PPM1H: variants seen among roughly 807,000 people sequenced by gnomAD.
The protein encoded by PPM1H is protein phosphatase 1H.
A neutral mutation model predicts 54.9 loss-of-function variants in PPM1H; 27 were observed. That is an observed-to-expected ratio of 0.49 (90% CI 0.36 to 0.68). The LOEUF (loss-of-function observed/expected upper bound fraction) is 0.68. Ranked by LOEUF, PPM1H falls within the 30% of genes least tolerant of loss-of-function variation. PPM1H has a pLI of 0.00. For synonymous variants in PPM1H, 305 were observed against 270.8 expected, an observed-to-expected ratio of 1.13 and a Z score of -1.24; for missense variants, 596 against 667.8, an observed-to-expected ratio of 0.89 and a Z score of 1.19.
At chr12:62,732,774 G>A (rs886791092) in intron 5 of PPM1H, among the ~76,000 whole-genome samples, 45 of 151,962 alleles carry the variant, frequency 3.0e-4, no homozygotes, top group African/African-American at 9.6e-4. Flanking sequence ...GGGTTTCACC[G>A]TGTTAGCCAG....
chr12:62,804,851 A>G (rs1015251981), intron 2 of PPM1H, among the ~76,000 whole-genome samples: 4 of 149,944 alleles, frequency 2.7e-5, no homozygotes, highest in African/African-American at 9.9e-5. Flanking sequence ...AATTTTTTGT[A>G]TTTTTAGTAG....
chr12:62,864,170 A>C (rs918479600), intron 1 of PPM1H, among the ~76,000 whole-genome samples: 4 of 152,184 alleles, frequency 2.6e-5, no homozygotes, highest in African/African-American at 9.7e-5. Flanking sequence ...ACAGCCCTCG[A>C]CAACAAAAAT....
intron 4 of PPM1H, among the ~76,000 whole-genome samples, chr12:62,756,484 G>T (rs781481773): frequency 6.6e-6 from 1 of 151,808 alleles, no homozygotes; most frequent in Admixed American, 6.6e-5. Context: ...TGTAATCACA[G>T]TTTTTTTAAA....
chr12:62,670,411 A>G (rs898698925), intron 8 of PPM1H, among the ~76,000 whole-genome samples: 1 of 152,132 alleles, frequency 6.6e-6, no homozygotes, highest in Non-Finnish European at 1.5e-5. Flanking sequence ...GTTAAACAGG[A>G]GATTCCATTT....
intron 2 of PPM1H, among the ~76,000 whole-genome samples, chr12:62,807,056 C>T (rs1315847451): frequency 2.0e-5 from 3 of 152,096 alleles, no homozygotes; most frequent in Non-Finnish European, 2.9e-5. Context: ...GTAGCAACAG[C>T]AGGTGCAAGG....
chr12:62,884,175 G>A (rs1870495735), intron 1 of PPM1H, among the ~76,000 whole-genome samples: 1 of 152,218 alleles, frequency 6.6e-6, no homozygotes, highest in Middle Eastern at 3.4e-3. Context: ...ATTTGTACTA[G>A]TTGATTGCTT....
chr12:62,673,909 G>GT (rs2075971667), intron 8 of PPM1H, among the ~76,000 whole-genome samples: 1 of 151,134 alleles, frequency 6.6e-6, no homozygotes, highest in Non-Finnish European at 1.5e-5. Context: ...GTAGAGACGA[G>GT]TTTCATCATG....
At chr12:62,678,725 C>A (rs921520182) in intron 8 of PPM1H, among the ~76,000 whole-genome samples, 10 of 151,786 alleles carry the variant, frequency 6.6e-5, no homozygotes, top group African/African-American at 1.7e-4. Context: ...GAGTCTTACT[C>A]TGTTGCTCAG....
At chr12:62,841,424 G>A (rs980350130) in intron 1 of PPM1H, among the ~76,000 whole-genome samples, 2 of 152,264 alleles carry the variant, frequency 1.3e-5, no homozygotes, top group Non-Finnish European at 2.9e-5. Flanking sequence ...AGCCACATTC[G>A]TTCATTTACA....
At chr12:62,754,344 T>C in intron 4 of PPM1H, among the ~76,000 whole-genome samples, 1 of 152,130 alleles carries the variant, frequency 6.6e-6, no homozygotes, top group Admixed American at 6.5e-5. Flanking sequence ...GACGGGAGGA[T>C]CACTTGAGTG....
chr12:62,738,557 GT>G (rs1406279601), intron 4 of PPM1H, among the ~76,000 whole-genome samples: 1 of 152,198 alleles, frequency 6.6e-6, no homozygotes, highest in East Asian at 1.9e-4. Context: ...GGTGCCTCCT[GT>G]TCCCAGACCT....
At chr12:62,734,523 C>A (rs909712873) in intron 5 of PPM1H, among the ~76,000 whole-genome samples, 1 of 152,138 alleles carries the variant, frequency 6.6e-6, no homozygotes, top group Non-Finnish European at 1.5e-5. Flanking sequence ...AGATCTGAAG[C>A]CACATGCATC....
chr12:62,881,230 G>A (rs750998009), intron 1 of PPM1H, among the ~76,000 whole-genome samples: 3 of 152,154 alleles, frequency 2.0e-5, no homozygotes, highest in Non-Finnish European at 4.4e-5. Context: ...GTAGATGGAA[G>A]GGAGATGTGG....
intron 2 of PPM1H, among the ~76,000 whole-genome samples, chr12:62,820,097 A>C (rs979390522): frequency 1.3e-5 from 2 of 152,224 alleles, no homozygotes; most frequent in Admixed American, 6.5e-5. Context: ...CAATGGCCTT[A>C]GCAAATGGCA....
intron 8 of PPM1H, among the ~76,000 whole-genome samples, chr12:62,686,979 G>C (rs888246814): frequency 6.6e-6 from 1 of 152,174 alleles, no homozygotes; most frequent in Non-Finnish European, 1.5e-5. Flanking sequence ...AATCTGAAGG[G>C]ACAAATACAC....
rs2075782148 is a variant in PPM1H at position 62,645,926 on chromosome 12, C to CTGTT, written c.*2559_*2562dup. 6.6e-6 allele frequency: 1 copy of CTGTT among 152,182 alleles called. No individual in the cohort carries two copies. Among genetic ancestry groups the CTGTT allele is most frequent in the African/African-American group, 2.4e-5 (1 of 41,440 alleles). 9.4% of individuals were successfully genotyped at this position (152,182 alleles called of 1,614,324 possible). A position where few individuals can be genotyped will look rare whatever the true frequency, so the allele number is the denominator to read the frequency against. On this transcript the variant is annotated 3_prime_UTR_variant, in exon 10 of 10. Transcript: ENST00000228705. Reference sequence around the variant, plus strand: ...CCAACCCGTTATGTAGACACGGTTACTGTTTTAGGACTGGGTGACATGGGG... The same window carrying CTGTT: ...CCAACCCGTTATGTAGACACGGTTACTGTTTGTTTTAGGACTGGGTGACATGGGG...
chr12:62,663,217 G>A (rs893286779), intron 9 of PPM1H, among the ~76,000 whole-genome samples: 2 of 151,920 alleles, frequency 1.3e-5, no homozygotes, highest in East Asian at 1.9e-4. Flanking sequence ...TAGGAGAGTC[G>A]GTTCTTGAAT....
At chr12:62,717,413 A>G (rs1267191585) in intron 6 of PPM1H, among the ~76,000 whole-genome samples, 1 of 151,966 alleles carries the variant, frequency 6.6e-6, no homozygotes, top group Middle Eastern at 3.2e-3. Flanking sequence ...AAAATAGCCC[A>G]TTTGTGGACT....
rs542854584 is a variant in PPM1H at position 62,849,973 on chromosome 12, T to C, written c.246-17694A>G. Among the ~76,000 whole-genome samples the C allele has an allele frequency of 5.3e-5, 8 of 152,226 alleles. No individual in the cohort carries two copies. The South Asian group carries it at 1.7e-3, about 32-fold the overall frequency. On this transcript the variant is annotated intron_variant, in intron 1 of 9. Coordinates refer to ENST00000228705, the MANE Select transcript of PPM1H (RefSeq NM_020700.2). ...AAATAACAATTTTTTACTTTTTTAT[T>C]TTTTTGAGACAGGGTCTCAGTCTGC...
Sources: allele counts gnomAD v4.1 joint callset (sites outside exome capture counted in the v4.1 genomes callset), GRCh38; gene constraint gnomAD v4.1.1; transcripts MANE v1.5; gene names NCBI Gene and HGNC (gene_info 2026-07-23, HGNC 2026-07-21).